The following CNTNAP3 variants were observed in gnomAD, a reference collection of about 807,000 sequenced individuals.
The protein encoded by CNTNAP3 is contactin associated protein family member 3, also known as contactin-associated protein-like 3.
In CNTNAP3, 36 loss-of-function variants were observed where a neutral mutation model predicts 92.1. The observed-to-expected ratio is 0.39, with a 90% CI of 0.30 to 0.52. The LOEUF (loss-of-function observed/expected upper bound fraction) is 0.52. Ranked by LOEUF, CNTNAP3 falls within the 20% of genes least tolerant of loss-of-function variation. The probability of loss-of-function intolerance (pLI) is 0.76; values close to 1 mark genes in which losing one functional copy is unlikely to be tolerated. For synonymous variants in CNTNAP3, 232 were observed against 422.3 expected, an observed-to-expected ratio of 0.55 and a Z score of 5.53; for missense variants, 534 against 1,069.6, an observed-to-expected ratio of 0.50 and a Z score of 6.98.
intron 13 of CNTNAP3, among the ~76,000 whole-genome samples, chr9:39,132,468 A>G (rs1346070473): frequency 6.6e-6 from 1 of 152,144 alleles, no homozygotes; most frequent in Non-Finnish European, 1.5e-5. Context: ...CCTAGACCAC[A>G]GTGAAAGTGG....
intron 19 of CNTNAP3, among the ~76,000 whole-genome samples, chr9:39,088,163 C>T (rs1164284263): frequency 1.4e-4 from 21 of 151,808 alleles, no homozygotes; most frequent in Admixed American, 9.2e-4. Context: ...TAAAGTCATC[C>T]TATCAATAAT....
intron 21 of CNTNAP3, among the ~76,000 whole-genome samples, chr9:39,079,914 C>T (rs1367244601): frequency 1.7e-5 from 2 of 115,624 alleles, no homozygotes; most frequent in Non-Finnish European, 3.4e-5. Flanking sequence ...TTCCCCACAA[C>T]AGTTCTTCCC....
intron 10 of CNTNAP3, among the ~76,000 whole-genome samples, chr9:39,146,966 T>C (rs935072638): frequency 2.0e-5 from 3 of 152,140 alleles, no homozygotes; most frequent in African/African-American, 7.2e-5. Flanking sequence ...CACCGTGTCA[T>C]GGGAGGGAAC....
At position 39,117,949 on chromosome 9, in the gene CNTNAP3, A is replaced by AT. The variant is rs1820899160; in HGVS notation, c.2237+153dup. 53 of 1,401,750 alleles carry AT rather than the reference A, an allele frequency of 3.8e-5. 1 individual carries two copies. The South Asian group carries it at 7.3e-4, about 19-fold the overall frequency. 86.8% of individuals were successfully genotyped at this position (1,401,750 alleles called of 1,614,324 possible). On this transcript the variant is annotated intron_variant, in intron 14 of 23. Transcript: ENST00000297668. ...TTTGGTCATAAAATTTAATCCTTAG[A>AT]TTAACTGATCATATTTCATCAAAAC...
At position 39,114,077 on chromosome 9, in the gene CNTNAP3, CAT is replaced by C. The variant is rs1307870227; in HGVS notation, c.2237+4024_2237+4025del. On this transcript the variant is annotated intron_variant, in intron 14 of 23. Coordinates refer to ENST00000297668, the MANE Select transcript of CNTNAP3 (RefSeq NM_033655.5). Reference sequence around the variant, plus strand: ...ACACATATATATATATACACACACACATACTTTTTTTTTTTTTTTTTTTGAGA... The same window carrying C: ...ACACATATATATATATACACACACACACTTTTTTTTTTTTTTTTTTTGAGA... 3.8e-3 allele frequency among the ~76,000 whole-genome samples: 550 copies of C among 145,972 alleles called. 14 individuals carry two copies. Among genetic ancestry groups the C allele is most frequent in the African/African-American group, 0.013 (520 of 39,000 alleles).
chr9:39,118,347 G>A (rs988727989), intron 13 of CNTNAP3, 88 bp from the exon 14 acceptor site: 27 of 1,557,386 alleles, frequency 1.7e-5, no homozygotes, highest in Middle Eastern at 2.1e-4. Context: ...CAGGTGTAAA[G>A]TGTATGTGTG....
chr9:39,143,815 T>C (rs564077886), intron 11 of CNTNAP3, among the ~76,000 whole-genome samples: 51 of 152,322 alleles, frequency 3.3e-4, no homozygotes, highest in African/African-American at 1.1e-3. Context: ...TGTTAAAAAA[T>C]CTTTAAATAC....
rs879712749 is a variant in CNTNAP3 at position 39,066,864 on chromosome 9, G to A, written c.*7026C>T. On this transcript the variant is annotated 3_prime_UTR_variant, in exon 24 of 24. Transcript: ENST00000297668. Reference sequence around the variant, plus strand: ...CTTAATAGCACCCCTACTTGGGGATGTTGAGCTGGGTCTGTGGGTTTATAG... The same window carrying A: ...CTTAATAGCACCCCTACTTGGGGATATTGAGCTGGGTCTGTGGGTTTATAG... Among the ~76,000 whole-genome samples the A allele has an allele frequency of 7.8e-4, 119 of 152,254 alleles. No individual in the cohort carries two copies. The highest frequency in any genetic ancestry group is 1.5e-3 in the Non-Finnish European group (99 of 68,040).
intron 21 of CNTNAP3, among the ~76,000 whole-genome samples, chr9:39,079,376 T>C (rs1825876352): frequency 6.6e-6 from 1 of 151,072 alleles, no homozygotes; most frequent in South Asian, 2.1e-4. Context: ...ATGATGACTT[T>C]CATATTATCT....
intron 9 of CNTNAP3, among the ~76,000 whole-genome samples, chr9:39,153,076 A>C (rs1821878351): frequency 2.7e-5 from 1 of 36,524 alleles, no homozygotes; most frequent in Non-Finnish European, 4.6e-5. Flanking sequence ...CTAATCATAA[A>C]GTACTGCATG....
intron 14 of CNTNAP3, among the ~76,000 whole-genome samples, chr9:39,114,035 TACACAC>T (rs767827479): frequency 1.9e-4 from 27 of 141,538 alleles, no homozygotes; most frequent in East Asian, 4.0e-4. Context: ...CACACATATA[TACACAC>T]ACACACACAC....
intron 12 of CNTNAP3, among the ~76,000 whole-genome samples, chr9:39,136,462 GGTTTT>G (rs532448766): frequency 1.3e-5 from 2 of 151,988 alleles, no homozygotes; most frequent in East Asian, 1.9e-4. Context: ...TCAAGGAGAA[GGTTTT>G]GTTTTGTTTT....
chr9:39,096,362 G>C (rs147196124), intron 18 of CNTNAP3, among the ~76,000 whole-genome samples: 31,556 of 146,088 alleles, frequency 0.22, 3,695 homozygotes, highest in East Asian at 0.36. Flanking sequence ...TAATAGCAGT[G>C]AATTCTCTGT....
At position 39,085,973 on chromosome 9, in the gene CNTNAP3, C is replaced by G. The variant is rs927584344; in HGVS notation, c.3355-150G>C. On this transcript the variant is annotated intron_variant, in intron 20 of 23. Coordinates refer to ENST00000297668, the MANE Select transcript of CNTNAP3 (RefSeq NM_033655.5). ...AAGAAGCCACCTTCAAATAATTAAT[C>G]ATTTAGAAAGAGAAGCTATTTTATA... The G allele has an allele frequency of 5.1e-6, 4 of 784,500 alleles. No homozygotes were observed. In the African/African-American group the frequency reaches 5.3e-5, roughly 10 times the overall value. 48.6% of individuals were successfully genotyped at this position (784,500 alleles called of 1,614,324 possible).
chr9:39,073,205 AAC>A lies in CNTNAP3; in HGVS notation c.*683_*684del, dbSNP rs1403209167. Reference sequence around the variant, plus strand: ...ATTAAAATGTATCAAAATCATTAAAAACAGTCAATTAGAAAAAGCAATACACC... The same window carrying A: ...ATTAAAATGTATCAAAATCATTAAAAAGTCAATTAGAAAAAGCAATACACC... On this transcript the variant is annotated 3_prime_UTR_variant, in exon 24 of 24. Coordinates refer to ENST00000297668, the MANE Select transcript of CNTNAP3 (RefSeq NM_033655.5). The A allele has an allele frequency of 1.3e-5, 2 of 158,402 alleles. No homozygotes were observed. The highest frequency in any genetic ancestry group is 1.8e-4 in the South Asian group (1 of 5,608). The allele number at this position is 158,402 out of a possible 1,614,324, so 9.8% of individuals were successfully genotyped here.
At chr9:39,103,263 T>C (rs1344892683) in intron 16 of CNTNAP3, among the ~76,000 whole-genome samples, 1 of 152,286 alleles carries the variant, frequency 6.6e-6, no homozygotes, top group Non-Finnish European at 1.5e-5. Context: ...ACGTGCTTCA[T>C]GCTTCATTGT....
At chr9:39,135,905 A>G (rs2778163) in intron 12 of CNTNAP3, among the ~76,000 whole-genome samples, 6 of 151,636 alleles carry the variant, frequency 4.0e-5, no homozygotes, top group Admixed American at 3.3e-4. Flanking sequence ...CGAGGCAGGC[A>G]GATTACGAGG....
Position 39,069,432 on chromosome 9 carries a change from A to C in CNTNAP3, c.*4458T>G. Reference sequence around the variant, plus strand: ...CCATCACAAGCTAGCTAAGTTAGAAATTTTCATATCGCAAAATCTAAAAGT... The same window carrying C: ...CCATCACAAGCTAGCTAAGTTAGAACTTTTCATATCGCAAAATCTAAAAGT... On this transcript the variant is annotated 3_prime_UTR_variant, in exon 24 of 24. Transcript: ENST00000297668. Among the ~76,000 whole-genome samples the C allele has an allele frequency of 1.3e-5, 2 of 149,096 alleles. No individual in the cohort carries two copies. Among genetic ancestry groups the C allele is most frequent in the African/African-American group, 4.9e-5 (2 of 40,468 alleles).
At chr9:39,118,361 G>A (rs1820912435) in intron 13 of CNTNAP3, 102 bp from the exon 14 acceptor site, 2 of 1,489,828 alleles carry the variant, frequency 1.3e-6, no homozygotes, top group Admixed American at 2.3e-5. Context: ...ATGTGTGAGA[G>A]ACAGAGAGAG....
Sources: allele counts gnomAD v4.1 joint callset (sites outside exome capture counted in the v4.1 genomes callset), GRCh38; gene constraint gnomAD v4.1.1; transcripts MANE v1.5; gene names NCBI Gene and HGNC (gene_info 2026-07-23, HGNC 2026-07-21).